The following GOLGA6C variants were observed in gnomAD, a reference collection of about 807,000 sequenced individuals.
GOLGA6C encodes the protein golgin subfamily A member 6C.
A neutral mutation model predicts 57.5 loss-of-function variants in GOLGA6C; 3 were observed. The ratio of observed to expected loss-of-function variants is 0.05; its 90% CI spans 0.02 to 0.13. The LOEUF (loss-of-function observed/expected upper bound fraction) is 0.13, where lower values mean the gene tolerates loss of function less well. Ranked by LOEUF, GOLGA6C falls within the 10% of genes least tolerant of loss-of-function variation. The probability of loss-of-function intolerance (pLI) is 1.00; values close to 1 mark genes in which losing one functional copy is unlikely to be tolerated. For missense variants in GOLGA6C, 88 were observed against 525.6 expected, an observed-to-expected ratio of 0.17 and a Z score of 8.14; for synonymous variants, 32 against 203.8, an observed-to-expected ratio of 0.16 and a Z score of 7.18.
chr15:75,263,435 C>A (rs1323060074), intron 4 of GOLGA6C, 49 bp downstream of exon 4: 1 of 670,136 alleles, frequency 1.5e-6, no homozygotes, highest in Non-Finnish European at 2.7e-6. Flanking sequence ...TTGGGGGACA[C>A]TCAGATGCAG....
intron 1 of GOLGA6C, among the ~76,000 whole-genome samples, chr15:75,259,219 C>G (rs1181046438): frequency 6.6e-6 from 1 of 150,714 alleles, no homozygotes; most frequent in Admixed American, 6.6e-5. Context: ...AGCCATTGCA[C>G]TGATGAGGTT....
intron 14 of GOLGA6C, among the ~76,000 whole-genome samples, 178 bp from the exon 15 acceptor site, chr15:75,269,275 G>A (rs1466215318): frequency 6.9e-6 from 1 of 145,810 alleles, no homozygotes; most frequent in Non-Finnish European, 1.5e-5. Flanking sequence ...GGAGCCAGAG[G>A]CAGAGGCCCC....
At chr15:75,269,161 G>T (rs1333638008) in intron 14 of GOLGA6C, among the ~76,000 whole-genome samples, 3 of 145,200 alleles carry the variant, frequency 2.1e-5, no homozygotes, top group Non-Finnish European at 3.0e-5. Flanking sequence ...TTTCAACTCC[G>T]CTGGAGCCAG....
chr15:75,258,848 C>T (rs1189365074), intron 1 of GOLGA6C, among the ~76,000 whole-genome samples, 166 bp downstream of exon 1: 3 of 151,392 alleles, frequency 2.0e-5, no homozygotes, highest in African/African-American at 7.3e-5. Flanking sequence ...GTCAGCCCCG[C>T]CCCTTCAGCA....
rs1229068099 is a variant in GOLGA6C, at chr15:75,272,474, T to A, written c.*2275T>A. Among the ~76,000 whole-genome samples the A allele has an allele frequency of 6.6e-6, 1 of 151,952 alleles. No individual in the cohort carries two copies. Among genetic ancestry groups the A allele is most frequent in the Non-Finnish European group, 1.5e-5 (1 of 68,028 alleles). ...TCTGAAACTGGGTTTACCTAATACA[T>A]TGATAAATTATTTCAAAGGTATTTT... On this transcript the variant is annotated 3_prime_UTR_variant, in exon 18 of 18. Coordinates refer to ENST00000300576, the MANE Select transcript of GOLGA6C (RefSeq NM_001164404.2).
intron 1 of GOLGA6C, among the ~76,000 whole-genome samples, chr15:75,259,047 CG>C (rs1181779609): frequency 8.5e-3 from 1,273 of 150,020 alleles, no homozygotes; most frequent in South Asian, 0.012. Flanking sequence ...CCAGTCATCC[CG>C]GGGTGACTTT....
chr15:75,265,742 C>T (rs1400892625), intron 10 of GOLGA6C, 38 bp downstream of exon 10: 1 of 523,878 alleles, frequency 1.9e-6, no homozygotes, highest in Non-Finnish European at 3.3e-6. Context: ...GCAGGACTGG[C>T]ATCAGAGGTC....
rs1455152093 is a variant in GOLGA6C at position 75,266,938 on chromosome 15, C to T, written c.1405C>T (p.Leu469=). ...GCAGTTGGAGCAGCAAGTAAAGGAG[C>T]TGCAGGAGAAGCTAGACGAGGTGAA... ...ALQLEQQVKE[L]QEKLDEEHLE... Residue 469 remains leucine, a synonymous_variant, in exon 12 of 18, where the codon CTG becomes TTG. Transcript: ENST00000300576. The T allele has an allele frequency of 0.013, 1 of 80 alleles. No homozygotes were observed. Among genetic ancestry groups the T allele is most frequent in the Non-Finnish European group, 0.015 (1 of 66 alleles). The allele number at this position is 80 out of a possible 1,614,324, so 0.0% of individuals were successfully genotyped here.
In GOLGA6C at chr15:75,270,144, A is replaced by T. The variant is rs568835236; in HGVS notation, c.2027A>T (p.Asp676Val). Residue 676 changes from aspartate to valine, a missense_variant, in exon 18 of 18, where the codon GAC becomes GTC. Asp to Val is a radical substitution (Grantham distance 152). Transcript: ENST00000300576. ...GCGGCCAGGGAGGGTTCTCCCCATG[A>T]CAACCCCCCGGTACAGCAGATCGTG... is the stretch of plus-strand genomic sequence containing the variant. Reference protein sequence around the residue: ...PGAAREGSPHDNPPVQQIVQL... With the variant: ...PGAAREGSPHVNPPVQQIVQL... 1 of 1,592,814 alleles carries T rather than the reference A, an allele frequency of 6.3e-7. No individual in the cohort carries two copies. The highest frequency in any genetic ancestry group is 2.4e-5 in the East Asian group (1 of 41,674).
chr15:75,265,235 G>A lies in GOLGA6C; in HGVS notation c.651+27G>A, dbSNP rs2070753620. On this transcript the variant is annotated intron_variant, in intron 8 of 17. Coordinates refer to ENST00000300576, the MANE Select transcript of GOLGA6C (RefSeq NM_001164404.2). ...TGAGGCTTTGCAGAGGGAGGGATGTGGAAGGAAGATGACCCCAGGTGGCCA... is the reference window on the plus strand; with the variant it reads ...TGAGGCTTTGCAGAGGGAGGGATGTAGAAGGAAGATGACCCCAGGTGGCCA... 3 of 1,547,190 alleles carry A rather than the reference G, an allele frequency of 1.9e-6. No homozygotes were observed. The East Asian group carries it at 6.9e-5, about 35-fold the overall frequency.
rs2070783861 is a variant in GOLGA6C at position 75,270,351 on chromosome 15, C to A, written c.*152C>A. On this transcript the variant is annotated 3_prime_UTR_variant, in exon 18 of 18. Coordinates refer to ENST00000300576, the MANE Select transcript of GOLGA6C (RefSeq NM_001164404.2). ...TACGGGGTTCATCTCCTACACAATT[C>A]ATTTACTCCATTTGAATGCTAGAGC... Among the ~76,000 whole-genome samples, 1 of 144,538 alleles carries A rather than the reference C, an allele frequency of 6.9e-6. No homozygotes were observed. Among genetic ancestry groups the A allele is most frequent in the African/African-American group, 2.7e-5 (1 of 37,500 alleles). 94.8% of individuals were successfully genotyped at this position (144,538 alleles called of 152,430 possible). A position where few individuals can be genotyped will look rare whatever the true frequency, so the allele number is the denominator to read the frequency against.
At position 75,270,276 on chromosome 15, in the gene GOLGA6C, T is replaced by G. The variant is rs1463373366; in HGVS notation, c.*77T>G. 1 of 1,550,286 alleles carries G rather than the reference T, an allele frequency of 6.5e-7. No individual in the cohort carries two copies. Among genetic ancestry groups the G allele is most frequent in the African/African-American group, 1.5e-5 (1 of 67,820 alleles). ...GCCGAGAACAGGGAGATAAACATCA[T>G]CATCTTCTAAGAGCTGGTCAAGAAA... On this transcript the variant is annotated 3_prime_UTR_variant, in exon 18 of 18. Transcript: ENST00000300576.
intron 1 of GOLGA6C, among the ~76,000 whole-genome samples, chr15:75,259,569 CAGAGAGACTTTAACAT>C (rs2070726074): frequency 1.3e-4 from 1 of 7,726 alleles, no homozygotes; most frequent in Non-Finnish European, 2.6e-4. Context: ...TTCTACTCTC[CAGAGAGACTTTAACAT>C]TTTTTTCCGA....
At chr15:75,260,308 G>C in intron 1 of GOLGA6C, 65 bp from the exon 2 acceptor site, 2 of 1,591,188 alleles carry the variant, frequency 1.3e-6, no homozygotes, top group Non-Finnish European at 1.7e-6. Context: ...TGCAAAAACT[G>C]TAAGGAGGGT....
At position 75,265,070 on chromosome 15, in the gene GOLGA6C, G is replaced by T. The variant is rs1338047947; in HGVS notation, c.565-52G>T. 18 of 1,602,940 alleles carry T rather than the reference G, an allele frequency of 1.1e-5. 1 individual carries two copies. The African/African-American group carries it at 1.8e-4, about 16-fold the overall frequency. ...TTGAGCCTAGCCCTAGCCCTTTTAA[G>T]GGGCACTGCCCGGGCTCCCCAGATC... On this transcript the variant is annotated intron_variant, in intron 7 of 17. Transcript: ENST00000300576.
chr15:75,259,004 C>T (rs2070721564), intron 1 of GOLGA6C, among the ~76,000 whole-genome samples: 3 of 147,594 alleles, frequency 2.0e-5, no homozygotes, highest in South Asian at 2.1e-4. Flanking sequence ...TCTCCAAGGA[C>T]CTGGGTCCCC....
At position 75,270,186 on chromosome 15, in the gene GOLGA6C, T is replaced by A. The variant is rs917711910; in HGVS notation, c.2069T>A (p.Met690Lys). ...VQQIVQLSPV[M>K]QDT ...CAGATCGTGCAGCTGTCTCCTGTCA[T>A]GCAGGACACCTAGGAGCACCCAGGC... is the stretch of plus-strand genomic sequence containing the variant. Residue 690 changes from methionine (M) to lysine (K), a missense_variant, in exon 18 of 18, where the codon ATG becomes AAG. Transcript: ENST00000300576. 6 of 1,592,924 alleles carry A rather than the reference T, an allele frequency of 3.8e-6. No individual in the cohort carries two copies. Among genetic ancestry groups the A allele is most frequent in the African/African-American group, 1.4e-5 (1 of 69,638 alleles).
At position 75,273,113 on chromosome 15, in the gene GOLGA6C, G is replaced by C. The variant is rs1368569467; in HGVS notation, c.*2914G>C. On this transcript the variant is annotated 3_prime_UTR_variant, in exon 18 of 18. Coordinates refer to ENST00000300576, the MANE Select transcript of GOLGA6C (RefSeq NM_001164404.2). Reference sequence around the variant, plus strand: ...ATAAATCAGCCCTATGCATAATATAGTTTCTCTAAAACTTTATCTTAAAGA... The same window carrying C: ...ATAAATCAGCCCTATGCATAATATACTTTCTCTAAAACTTTATCTTAAAGA... 6.6e-6 allele frequency among the ~76,000 whole-genome samples: 1 copy of C among 152,126 alleles called. No homozygotes were observed. Among genetic ancestry groups the C allele is most frequent in the Non-Finnish European group, 1.5e-5 (1 of 68,054 alleles).
intron 2 of GOLGA6C, among the ~76,000 whole-genome samples, chr15:75,260,758 C>G (rs1227514309): frequency 7.0e-6 from 1 of 143,766 alleles, no homozygotes; most frequent in Admixed American, 6.9e-5. Flanking sequence ...ACCCCTAGTA[C>G]GTGGCCTGCT....
Sources: gnomAD v4.1 joint callset for allele counts (sites outside exome capture counted in the v4.1 genomes callset) on GRCh38, gnomAD v4.1.1 for gene constraint, MANE v1.5 for transcripts, NCBI Gene and HGNC (gene_info 2026-07-23, HGNC 2026-07-21) for gene names.